GAB3: variants seen among roughly 807,000 people sequenced by gnomAD.
GAB3 encodes GRB2 associated binding protein 3.
Under a neutral mutation model 40.4 loss-of-function variants are expected in GAB3, and 12 were observed. The ratio of observed to expected loss-of-function variants is 0.30; its 90% CI spans 0.19 to 0.48. GAB3 has a LOEUF of 0.48. Among genes scored for constraint, GAB3 ranks in the 20% least tolerant of loss-of-function variants. The pLI is 0.99. For missense variants in GAB3, 381 were observed against 461.9 expected, an observed-to-expected ratio of 0.82 and a Z score of 1.61; for synonymous variants, 154 against 176.7, an observed-to-expected ratio of 0.87 and a Z score of 1.02.
chrX:154,731,713 G>A (rs2071294007), intron 1 of GAB3, among the ~76,000 whole-genome samples: 1 of 111,513 alleles, frequency 9.0e-6, no homozygotes, highest in African/African-American at 3.3e-5. Context: ...GTCTCTAAAG[G>A]AGTCCATTAA....
chrX:154,744,636 A>AAAAGTAAAAGTAAGTATCCTT (rs2071499467), intron 1 of GAB3, among the ~76,000 whole-genome samples: 2 of 112,530 alleles, frequency 1.8e-5, no homozygotes, highest in Non-Finnish European at 3.8e-5. Context: ...AGTAAAAGTG[A>AAAAGTAAAAGTAAGTATCCTT]ACAGAAAATC....
Position 154,727,497 on chromosome X carries a change from T to C in GAB3, c.73-11168A>G, listed in dbSNP as rs183699262. Among the ~76,000 whole-genome samples the C allele has an allele frequency of 3.5e-5, 4 of 113,018 alleles. No homozygotes were observed. In the East Asian group the frequency reaches 1.1e-3, roughly 31 times the overall value. On this transcript the variant is annotated intron_variant, in intron 1 of 9. Coordinates refer to ENST00000424127, the MANE Select transcript of GAB3 (RefSeq NM_001081573.3). ...TGATCACTGTTTTATCCTCTGGGCC[T>C]AGTAGTGCCTGGCACAGGATAGTTG... is the stretch of plus-strand genomic sequence containing the variant.
chrX:154,691,266 T>C (rs1603423273), intron 8 of GAB3, among the ~76,000 whole-genome samples: 1 of 58,358 alleles, frequency 1.7e-5, no homozygotes, highest in South Asian at 1.3e-3. Context: ...TGGGGACTGT[T>C]GTGGGGTGGG....
intron 4 of GAB3, among the ~76,000 whole-genome samples, chrX:154,710,501 G>GTATGT (rs2070924538): frequency 9.0e-6 from 1 of 111,672 alleles, no homozygotes; most frequent in African/African-American, 3.3e-5. Context: ...TCACATACAT[G>GTATGT]GGCACTTCAT....
At chrX:154,698,079 T>C (rs2070688414) in intron 6 of GAB3, among the ~76,000 whole-genome samples, 1 of 112,534 alleles carries the variant, frequency 8.9e-6, no homozygotes, top group South Asian at 3.6e-4. Context: ...TATATGTACA[T>C]TTATTAAAAT....
Position 154,687,579 on chromosome X carries a change from A to G in GAB3, c.1531-7331T>C, listed in dbSNP as rs2070475948. 2.0e-5 allele frequency among the ~76,000 whole-genome samples: 2 copies of G among 98,305 alleles called. 1 individual carries two copies. Among genetic ancestry groups the G allele is most frequent in the Admixed American group, 2.3e-4 (2 of 8,550 alleles). 85.4% of individuals were successfully genotyped at this position (98,305 alleles called of 115,157 possible). A position where few individuals can be genotyped will look rare whatever the true frequency, so the allele number is the denominator to read the frequency against. The stretch of plus-strand genomic sequence containing the variant: ...AACCTGGGGGGCGGAGCTTGCAGTG[A>G]GCCGAGATGGCGCCACTGCACTCCA... On this transcript the variant is annotated intron_variant, in intron 8 of 9. Coordinates refer to ENST00000424127, the MANE Select transcript of GAB3 (RefSeq NM_001081573.3).
At chrX:154,709,564 C>T (rs782545215) in intron 4 of GAB3, among the ~76,000 whole-genome samples, 12 of 109,301 alleles carry the variant, frequency 1.1e-4, no homozygotes, top group East Asian at 2.9e-4. Context: ...GTGATCTGCC[C>T]GCCCCCGCCT....
At chrX:154,733,045 T>G (rs1230991193) in intron 1 of GAB3, among the ~76,000 whole-genome samples, 1 of 112,298 alleles carries the variant, frequency 8.9e-6, no homozygotes, top group Non-Finnish European at 1.9e-5. Context: ...AAAGCACATC[T>G]GCTAGAAGGA....
At chrX:154,732,733 A>G (rs186153786) in intron 1 of GAB3, among the ~76,000 whole-genome samples, 1,304 of 111,486 alleles carry the variant, frequency 0.012, 15 homozygotes, top group African/African-American at 0.041. Context: ...GGTCAGTGGG[A>G]AACCCAGCAG....
chrX:154,696,017 C>T lies in GAB3; in HGVS notation c.1430G>A (p.Ser477Asn). Residue 477 changes from serine (S) to asparagine (N), a missense_variant and splice_region_variant, in exon 8 of 10, where the codon AGT (serine) becomes AAT (asparagine). By Grantham distance (46) the Ser-to-Asn change is conservative (BLOSUM62 1). This residue lies in a region of GAB3 where 364 missense variants were observed against 421.0 expected (regional missense o/e 0.86). Coordinates refer to ENST00000424127, the MANE Select transcript of GAB3 (RefSeq NM_001081573.3). ...SLTRTRTVPC[S>N]RTSFLSPERN... ...TTCTGGAGAGAGAAAGCTGGTTCGA[C>T]TGCTAAGAATAAAAATATAGATGAG... The T allele has an allele frequency of 8.7e-7, 1 of 1,143,871 alleles. No homozygotes were observed. The highest frequency in any genetic ancestry group is 1.9e-5 in the South Asian group (1 of 53,526). The allele number at this position is 1,143,871 out of a possible 1,213,427, so 94.3% of individuals were successfully genotyped here.
At chrX:154,691,807 T>C (rs782320566) in intron 8 of GAB3, among the ~76,000 whole-genome samples, 1 of 112,105 alleles carries the variant, frequency 8.9e-6, no homozygotes, top group African/African-American at 3.2e-5. Context: ...CAAAACATTG[T>C]GGTACTGGCA....
At chrX:154,739,713 T>C (rs1302994139) in intron 1 of GAB3, among the ~76,000 whole-genome samples, 1 of 110,382 alleles carries the variant, frequency 9.1e-6, no homozygotes, top group African/African-American at 3.4e-5. Context: ...GTGGAAGAAG[T>C]TTTCATCAAA....
At chrX:154,699,160 C>T (rs2070703154) in intron 6 of GAB3, 134 bp downstream of exon 6, 2 of 530,497 alleles carry the variant, frequency 3.8e-6, no homozygotes, top group Non-Finnish European at 6.5e-6. Flanking sequence ...AACCCAGCCA[C>T]TTCTTTCCTG....
At chrX:154,750,701 TA>T (rs2071600291) in intron 1 of GAB3, among the ~76,000 whole-genome samples, 1 of 112,499 alleles carries the variant, frequency 8.9e-6, no homozygotes, top group Non-Finnish European at 1.9e-5. Flanking sequence ...CTCCCTCCGC[TA>T]GAGTCAGCGG....
chrX:154,708,433 T>C (rs782712248), intron 4 of GAB3, among the ~76,000 whole-genome samples: 3 of 111,837 alleles, frequency 2.7e-5, no homozygotes, highest in Admixed American at 9.5e-5. Flanking sequence ...ATCAACAAAA[T>C]GAAAAGGCAA....
intron 1 of GAB3, among the ~76,000 whole-genome samples, chrX:154,747,410 A>C (rs1040945019): frequency 1.8e-5 from 2 of 113,093 alleles, no homozygotes; most frequent in Non-Finnish European, 3.7e-5. Context: ...ATGCAAGAAA[A>C]GAAACCATGA....
Position 154,712,201 on chromosome X carries a change from C to T in GAB3, c.1069+28G>A, listed in dbSNP as rs782676903. The T allele has an allele frequency of 8.3e-6, 9 of 1,084,005 alleles. No homozygotes were observed. The African/African-American group carries it at 1.1e-4, about 13-fold the overall frequency. 89.3% of individuals were successfully genotyped at this position (1,084,005 alleles called of 1,213,427 possible). A position where few individuals can be genotyped will look rare whatever the true frequency, so the allele number is the denominator to read the frequency against. On this transcript the variant is annotated intron_variant, in intron 4 of 9. Transcript: ENST00000424127. ...TGAAGAGGAGCCCGGGTTTTCTTGG[C>T]GCCTGAATCTTAGGACCCAACACTT... is the stretch of plus-strand genomic sequence containing the variant.
chrX:154,691,017 C>A (rs1270895221), intron 8 of GAB3, among the ~76,000 whole-genome samples: 3 of 110,596 alleles, frequency 2.7e-5, no homozygotes, highest in Admixed American at 9.6e-5. Context: ...TGGAACCAAG[C>A]CAAATGTCCA....
Position 154,712,467 on chromosome X carries a change from C to T in GAB3, c.831G>A (p.Leu277=). Residue 277 remains leucine, a synonymous_variant, in exon 4 of 10, where the codon CTG becomes CTA. Transcript: ENST00000424127. ...PRDHLSSSPL[L]ESSLSSTIQV... ...GAATGGTGGAACTTAAGGAACTTTC[C>T]AGCAATGGTGAAGAAGACAAGTGGT... 4.1e-6 allele frequency: 5 copies of T among 1,210,670 alleles called. No individual in the cohort carries two copies. Among genetic ancestry groups the T allele is most frequent in the South Asian group, 1.8e-5 (1 of 56,882 alleles).
Sources: gnomAD v4.1 joint callset for allele counts (sites outside exome capture counted in the v4.1 genomes callset) on GRCh38, gnomAD v4.1.1 for gene constraint, gnomAD v4.1.1 regional missense constraint, MANE v1.5 for transcripts, NCBI Gene and HGNC (gene_info 2026-07-23, HGNC 2026-07-21) for gene names.